The following SETD3 variants were observed in gnomAD, a reference collection of about 807,000 sequenced individuals.
The protein encoded by SETD3 is actin-histidine N-methyltransferase.
SETD3 carries 19 observed loss-of-function variants against 63.0 expected under a neutral mutation model. That is an observed-to-expected ratio of 0.30 (90% confidence interval 0.21 to 0.44). The LOEUF (loss-of-function observed/expected upper bound fraction) is 0.44, where lower values mean the gene tolerates loss of function less well. SETD3 is among the 20% of genes least tolerant of loss of function. The probability of loss-of-function intolerance (pLI) is 1.00; values close to 1 mark genes in which losing one functional copy is unlikely to be tolerated. For synonymous variants in SETD3, 286 were observed against 264.1 expected, an observed-to-expected ratio of 1.08 and a Z score of -0.80; for missense variants, 587 against 728.5, an observed-to-expected ratio of 0.81 and a Z score of 2.24.
At chr14:99,448,088 T>C (rs1034798848) in intron 6 of SETD3, among the ~76,000 whole-genome samples, 3 of 152,216 alleles carry the variant, frequency 2.0e-5, no homozygotes, top group African/African-American at 7.2e-5. Context: ...AGACAGTGGT[T>C]TGGTGAGCCC....
chr14:99,403,451 ACACACTCTCTCT>A lies in SETD3; in HGVS notation c.1177+762_1177+773del, dbSNP rs1431154757. Reference sequence around the variant, plus strand: ...AACATACACACACACACACACACACACACACTCTCTCTCTCTCTCTCTCTCTCTCTCTCTCTC... The same window carrying A: ...AACATACACACACACACACACACACACTCTCTCTCTCTCTCTCTCTCTCTC... On this transcript the variant is annotated intron_variant, in intron 11 of 12. Transcript: ENST00000331768. Among the ~76,000 whole-genome samples, 8 of 107,132 alleles carry A rather than the reference ACACACTCTCTCT, an allele frequency of 7.5e-5. No homozygotes were observed. In the South Asian group the frequency reaches 1.0e-3, roughly 13 times the overall value. 70.3% of individuals were successfully genotyped at this position (107,132 alleles called of 152,430 possible). A position where few individuals can be genotyped will look rare whatever the true frequency, so the allele number is the denominator to read the frequency against.
intron 8 of SETD3, 36 bp downstream of exon 8, chr14:99,412,915 C>A (rs1273806683): frequency 1.4e-6 from 2 of 1,427,542 alleles, no homozygotes; most frequent in Non-Finnish European, 2.0e-6. Context: ...CAACAGCCTC[C>A]CAGATTCAAC....
intron 6 of SETD3, among the ~76,000 whole-genome samples, chr14:99,439,654 T>C (rs1261764864): frequency 6.8e-6 from 1 of 147,856 alleles, no homozygotes. Flanking sequence ...CATATATAAA[T>C]ATGTAAGTAT....
intron 3 of SETD3, among the ~76,000 whole-genome samples, chr14:99,462,830 C>T (rs1895147335): frequency 6.6e-6 from 1 of 152,188 alleles, no homozygotes; most frequent in Non-Finnish European, 1.5e-5. Flanking sequence ...CCCTTCATGA[C>T]AATAAGAAAG....
At chr14:99,443,651 T>A (rs1893965879) in intron 6 of SETD3, among the ~76,000 whole-genome samples, 1 of 152,222 alleles carries the variant, frequency 6.6e-6, no homozygotes, top group African/African-American at 2.4e-5. Flanking sequence ...TCCGATTAAC[T>A]GTGTAAACCT....
chr14:99,433,939 C>T (rs913594688), intron 6 of SETD3, among the ~76,000 whole-genome samples: 4 of 152,176 alleles, frequency 2.6e-5, no homozygotes, highest in Non-Finnish European at 5.9e-5. Context: ...AACTAGGATG[C>T]TTGTGGATAG....
chr14:99,400,035 C>T, intron 12 of SETD3, 64 bp downstream of exon 12: 1 of 1,460,244 alleles, frequency 6.8e-7, no homozygotes, highest in African/African-American at 1.4e-5. Context: ...GCCACCGCAC[C>T]AAGCCTCATT....
chr14:99,403,455 A>ACTCTCTCACTCT (rs1891501917), intron 11 of SETD3, among the ~76,000 whole-genome samples: 5 of 135,456 alleles, frequency 3.7e-5, no homozygotes, highest in African/African-American at 1.5e-4. Context: ...ACACACACAC[A>ACTCTCTCACTCT]CTCTCTCTCT....
At chr14:99,425,360 G>A (rs1022851244) in intron 6 of SETD3, among the ~76,000 whole-genome samples, 5 of 152,220 alleles carry the variant, frequency 3.3e-5, no homozygotes, top group Admixed American at 6.5e-5. Flanking sequence ...GCAAGAACAC[G>A]AAAGGCCTGC....
At chr14:99,439,215 G>A (rs1893653865) in intron 6 of SETD3, among the ~76,000 whole-genome samples, 2 of 152,298 alleles carry the variant, frequency 1.3e-5, no homozygotes, top group Admixed American at 6.5e-5. Flanking sequence ...CAGCTCCAGG[G>A]CTGTGCCCTC....
intron 6 of SETD3, among the ~76,000 whole-genome samples, chr14:99,437,919 G>A (rs1410414969): frequency 6.6e-6 from 1 of 152,100 alleles, no homozygotes; most frequent in African/African-American, 2.4e-5. Flanking sequence ...AGTCCCTCAG[G>A]TCAGCCCACA....
chr14:99,401,256 A>G (rs1325742623), intron 11 of SETD3, among the ~76,000 whole-genome samples: 1 of 152,228 alleles, frequency 6.6e-6, no homozygotes, highest in African/African-American at 2.4e-5. Flanking sequence ...ATCTCCAAAT[A>G]TATTTAAGAA....
chr14:99,421,431 T>C (rs1281441051), intron 6 of SETD3, among the ~76,000 whole-genome samples: 2 of 151,936 alleles, frequency 1.3e-5, no homozygotes, highest in Non-Finnish European at 2.9e-5. Context: ...ACAAGAGTAG[T>C]TGTAATCAGT....
At chr14:99,419,554 T>C (rs1892465551) in intron 6 of SETD3, among the ~76,000 whole-genome samples, 1 of 152,074 alleles carries the variant, frequency 6.6e-6, no homozygotes, top group African/African-American at 2.4e-5. Context: ...AGCGGGCGGA[T>C]CACGAGGTCA....
Position 99,406,559 on chromosome 14 carries a change from C to T in SETD3, c.881G>A (p.Arg294His), listed in dbSNP as rs766022981. The change falls in exon 9 of 13, where the codon CGC (arginine) becomes CAC (histidine). Residue 294 changes from arginine to histidine, a missense_variant. Transcript: ENST00000331768. ...ITTGYNLEDD[R>H]CECVALQDFR... The stretch of plus-strand genomic sequence containing the variant: ...ATCCTGCAGAGCCACACACTCACAG[C>T]GGTCATCTTCCAGGTTGTAACCAGT... 25 of 1,614,058 alleles carry T rather than the reference C, an allele frequency of 1.5e-5. No individual in the cohort carries two copies. The highest frequency in any genetic ancestry group is 2.1e-5 in the Non-Finnish European group (25 of 1,180,044).
At position 99,461,177 on chromosome 14, in the gene SETD3, A is replaced by G. The variant is rs763123983; in HGVS notation, c.345+15T>C. ...AACACATAGACCCCTTGAGACCAAC[A>G]TTTTATAAACTCACCTTGATATCTC... On this transcript the variant is annotated intron_variant, in intron 4 of 12. Transcript: ENST00000331768. 1.2e-6 allele frequency: 2 copies of G among 1,613,564 alleles called. No individual in the cohort carries two copies. Among genetic ancestry groups the G allele is most frequent in the East Asian group, 4.5e-5 (2 of 44,876 alleles).
In SETD3 at chr14:99,398,877, C is replaced by T. The variant is rs374201194; in HGVS notation, c.1587G>A (p.Glu529=). 52 of 1,614,088 alleles carry T rather than the reference C, an allele frequency of 3.2e-5. No individual in the cohort carries two copies. Among genetic ancestry groups the T allele is most frequent in the East Asian group, 1.6e-4 (7 of 44,898 alleles). The part of the protein sequence containing the change: ...LPLVLRNLEE[E]AGVQDALNIR... ...TGTTCAAGGCATCCTGCACTCCAGC[C>T]TCCTCCTCGAGGTTTCTCAAGACCA... The change falls in exon 13 of 13, where the codon GAG becomes GAA. Residue 529 remains glutamate (E), a synonymous_variant. Transcript: ENST00000331768.
Position 99,398,754 on chromosome 14 carries a change from G to A in SETD3, c.1710C>T (p.Leu570=). 1.9e-6 allele frequency: 3 copies of A among 1,614,198 alleles called. No homozygotes were observed. The highest frequency in any genetic ancestry group is 2.5e-6 in the Non-Finnish European group (3 of 1,180,030). The change falls in exon 13 of 13, where the codon CTC becomes CTT. Residue 570 remains leucine, a synonymous_variant. Coordinates refer to ENST00000331768, the MANE Select transcript of SETD3 (RefSeq NM_032233.3). ...PNGTRSENES[L]NQESKRAVED... ...CAACTGCTCTTTTACTTTCTTGATT[G>A]AGACTTTCATTTTCGGACCTGGTCC...
chr14:99,450,076 A>C (rs1422322542), intron 6 of SETD3, among the ~76,000 whole-genome samples: 2 of 152,196 alleles, frequency 1.3e-5, no homozygotes, highest in Non-Finnish European at 2.9e-5. Context: ...TCCTGTATAC[A>C]ACCTCTGCCA....
Sources: gnomAD v4.1 joint callset for allele counts (sites outside exome capture counted in the v4.1 genomes callset) on GRCh38, gnomAD v4.1.1 for gene constraint, MANE v1.5 for transcripts, NCBI Gene and HGNC (gene_info 2026-07-23, HGNC 2026-07-21) for gene names.